The following DLD variants were observed in gnomAD, a reference collection of about 807,000 sequenced individuals.
DLD encodes dihydrolipoamide dehydrogenase.
Under a neutral mutation model 62.2 loss-of-function variants are expected in DLD, and 36 were observed. The observed-to-expected ratio is 0.58, with a 90% confidence interval of 0.44 to 0.76. The LOEUF is 0.76. Ranked by LOEUF, DLD falls within the 30% of genes least tolerant of loss-of-function variation. The pLI is 0.00. For missense variants in DLD, 541 were observed against 608.6 expected, an observed-to-expected ratio of 0.89 and a Z score of 1.17; for synonymous variants, 204 against 199.6, an observed-to-expected ratio of 1.02 and a Z score of -0.19.
At chr7:107,907,487 A>G (rs1253417780) in intron 8 of DLD, among the ~76,000 whole-genome samples, 1 of 152,202 alleles carries the variant, frequency 6.6e-6, no homozygotes, top group Non-Finnish European at 1.5e-5. Flanking sequence ...GAGAAATCAG[A>G]TGAGAACTCC....
chr7:107,912,687 C>G (rs1040731175), intron 8 of DLD, among the ~76,000 whole-genome samples: 1 of 151,668 alleles, frequency 6.6e-6, no homozygotes, highest in Non-Finnish European at 1.5e-5. Flanking sequence ...TTTTGAGCTC[C>G]TTATGTATTC....
chr7:107,906,075 G>A (rs527450420), intron 7 of DLD, among the ~76,000 whole-genome samples, 192 bp from the exon 8 acceptor site: 2 of 152,196 alleles, frequency 1.3e-5, no homozygotes, highest in Admixed American at 6.5e-5. Flanking sequence ...TTCCTATGCT[G>A]TATTGTTTAG....
chr7:107,917,812 G>A, intron 11 of DLD, 112 bp from the exon 12 acceptor site: 6 of 1,400,278 alleles, frequency 4.3e-6, no homozygotes, highest in South Asian at 1.2e-5. Flanking sequence ...TATGTGCTTT[G>A]CGAACAATTC....
Position 107,914,830 on chromosome 7 carries a change from TTAAAA to T in DLD, c.685-671_685-667del, listed in dbSNP as rs962779103. On this transcript the variant is annotated intron_variant, in intron 8 of 13. Transcript: ENST00000205402. ...AGAAGTTATACTAATTGTCAAAATG[TTAAAA>T]TAAACTAGCATTCAGTTTAAATTAT... is the stretch of plus-strand genomic sequence containing the variant. 2.6e-5 allele frequency among the ~76,000 whole-genome samples: 4 copies of T among 152,226 alleles called. No homozygotes were observed. In the South Asian group the frequency reaches 8.3e-4, roughly 31 times the overall value.
intron 2 of DLD, 26 bp from the exon 3 acceptor site, chr7:107,901,712 T>G (rs2031880762): frequency 6.3e-7 from 1 of 1,590,764 alleles, no homozygotes; most frequent in Admixed American, 1.7e-5. Context: ...AATTTACTAT[T>G]TTATATCAAT....
intron 2 of DLD, among the ~76,000 whole-genome samples, chr7:107,898,949 T>C (rs2031807652): frequency 6.6e-6 from 1 of 152,204 alleles, no homozygotes; most frequent in Non-Finnish European, 1.5e-5. Flanking sequence ...GTCAGAATCA[T>C]GTGTTATCAG....
rs1161183713 is a variant in DLD at position 107,920,786 on chromosome 7, C to T, written c.*1527C>T. On this transcript the variant is annotated 3_prime_UTR_variant, in exon 14 of 14. Transcript: ENST00000205402. ...ACCCGTTAAAAATGAGACATTGAGC[C>T]AGTGCTGTTCACTTTTTAAGTGCCA... The T allele has an allele frequency of 6.6e-6, 1 of 152,236 alleles. No individual in the cohort carries two copies. The highest frequency in any genetic ancestry group is 2.4e-5 in the African/African-American group (1 of 41,460). The allele number at this position is 152,236 out of a possible 1,614,324, so 9.4% of individuals were successfully genotyped here.
intron 8 of DLD, among the ~76,000 whole-genome samples, chr7:107,912,891 C>T (rs2032178428): frequency 6.6e-6 from 1 of 152,052 alleles, no homozygotes; most frequent in South Asian, 2.1e-4. Context: ...TGTCCTGGAG[C>T]ATTTCTCCAA....
chr7:107,917,300 T>A lies in DLD; in HGVS notation c.1074T>A (p.Ala358=), dbSNP rs768703850. The A allele has an allele frequency of 1.2e-6, 2 of 1,614,166 alleles. No homozygotes were observed. The highest frequency in any genetic ancestry group is 1.7e-6 in the Non-Finnish European group (2 of 1,180,006). Residue 358 remains alanine (A), a synonymous_variant, in exon 11 of 14, where the codon GCT becomes GCA. Coordinates refer to ENST00000205402, the MANE Select transcript of DLD (RefSeq NM_000108.5). ...PNIYAIGDVV[A]GPMLAHKAED... is the part of the protein sequence containing the mutation. ...TCTATGCCATTGGTGATGTAGTTGC[T>A]GGTCCAATGCTGGCTCACAAAGCAG...
chr7:107,915,732 CT>C, intron 9 of DLD, 36 bp downstream of exon 9: 1 of 1,587,820 alleles, frequency 6.3e-7, no homozygotes, highest in Non-Finnish European at 8.6e-7. Context: ...TGTATCATCC[CT>C]GTCTCTTTAA....
chr7:107,903,383 A>AGCACTT, intron 4 of DLD, 95 bp from the exon 5 acceptor site: 2 of 841,722 alleles, frequency 2.4e-6, no homozygotes, highest in Non-Finnish European at 3.9e-6. Flanking sequence ...CGTCTCAAAA[A>AGCACTT]ATGAAAAGAA....
chr7:107,903,507 T>C lies in DLD; in HGVS notation c.297T>C (p.His99=), dbSNP rs945939975. The change falls in exon 5 of 14, where the codon CAT becomes CAC. Residue 99 remains histidine (H), a synonymous_variant. Transcript: ENST00000205402. Reference sequence around the variant, plus strand: ...TATTGAACAACTCTCATTATTACCATATGGCCCATGGAAAAGATTTTGCAT... The same window carrying C: ...TATTGAACAACTCTCATTATTACCACATGGCCCATGGAAAAGATTTTGCAT... ...KALLNNSHYY[H]MAHGKDFASR... 1.3e-6 allele frequency: 2 copies of C among 1,596,738 alleles called. No individual in the cohort carries two copies. The highest frequency in any genetic ancestry group is 8.6e-7 in the Non-Finnish European group (1 of 1,164,760).
At chr7:107,911,536 T>C (rs1429087953) in intron 8 of DLD, among the ~76,000 whole-genome samples, 1 of 152,140 alleles carries the variant, frequency 6.6e-6, no homozygotes, top group Non-Finnish European at 1.5e-5. Context: ...TGGTAATTAT[T>C]TTAACTTCTC....
At chr7:107,894,686 C>T (rs2116169895) in intron 2 of DLD, among the ~76,000 whole-genome samples, 2 of 152,302 alleles carry the variant, frequency 1.3e-5, no homozygotes, top group Non-Finnish European at 2.9e-5. Flanking sequence ...TCAGTGCCTT[C>T]TATTTGCCAG....
rs774583443 is a variant in DLD at position 107,919,952 on chromosome 7, G to A, written c.*693G>A. On this transcript the variant is annotated 3_prime_UTR_variant, in exon 14 of 14. Coordinates refer to ENST00000205402, the MANE Select transcript of DLD (RefSeq NM_000108.5). Reference sequence around the variant, plus strand: ...GGGGAATGAAGATACTGAAATAAACGTCTTAAATATTCATTTACTGGTTAT... The same window carrying A: ...GGGGAATGAAGATACTGAAATAAACATCTTAAATATTCATTTACTGGTTAT... 2 of 152,306 alleles carry A rather than the reference G, an allele frequency of 1.3e-5. No individual in the cohort carries two copies. The highest frequency in any genetic ancestry group is 6.5e-5 in the Admixed American group (1 of 15,276). The allele number at this position is 152,306 out of a possible 1,614,324, so 9.4% of individuals were successfully genotyped here.
chr7:107,891,286 C>T lies in DLD; in HGVS notation c.36C>T (p.Ala12=), dbSNP rs780127925. 3.1e-6 allele frequency: 5 copies of T among 1,614,114 alleles called. No individual in the cohort carries two copies. In the East Asian group the frequency reaches 1.1e-4, roughly 36 times the overall value. ...QSWSRVYCSL[A]KRGHFNRISH... ...GGAGTCGTGTGTACTGCTCCTTGGC[C>T]AAGGTGAGGGCCGAGTAGGTGAGGT... The change falls in exon 1 of 14, where the codon GCC becomes GCT. Residue 12 remains alanine (A), a synonymous_variant. Transcript: ENST00000205402.
Position 107,920,295 on chromosome 7 carries a change from A to G in DLD, c.*1036A>G, listed in dbSNP as rs1364684622. 1.3e-5 allele frequency: 2 copies of G among 152,396 alleles called. No homozygotes were observed. Among genetic ancestry groups the G allele is most frequent in the East Asian group, 3.7e-4 (2 of 5,338 alleles). 9.4% of individuals were successfully genotyped at this position (152,396 alleles called of 1,614,324 possible). On this transcript the variant is annotated 3_prime_UTR_variant, in exon 14 of 14. Coordinates refer to ENST00000205402, the MANE Select transcript of DLD (RefSeq NM_000108.5). ...CATGTCCTGAGGAAACTTAAGTAACAAAGTACTAAATGCTAAGTAGGCTTT... is the reference window on the plus strand; with the variant it reads ...CATGTCCTGAGGAAACTTAAGTAACGAAGTACTAAATGCTAAGTAGGCTTT...
At chr7:107,894,996 A>C (rs568779037) in intron 2 of DLD, among the ~76,000 whole-genome samples, 4 of 152,302 alleles carry the variant, frequency 2.6e-5, no homozygotes, top group Non-Finnish European at 5.9e-5. Context: ...ATATTTATTG[A>C]ATGAATGAAC....
intron 2 of DLD, among the ~76,000 whole-genome samples, chr7:107,900,953 T>TA (rs2031860889): frequency 2.0e-5 from 3 of 152,146 alleles, no homozygotes; most frequent in African/African-American, 7.2e-5. Context: ...TAATTGGACT[T>TA]ACTTGCACAT....
Sources: gnomAD v4.1 joint callset for allele counts (sites outside exome capture counted in the v4.1 genomes callset) on GRCh38, gnomAD v4.1.1 for gene constraint, MANE v1.5 for transcripts, NCBI Gene and HGNC (gene_info 2026-07-23, HGNC 2026-07-21) for gene names.